WWOX: variants seen among roughly 807,000 people sequenced by gnomAD.
WWOX encodes WW domain containing oxidoreductase.
A neutral mutation model predicts 46.2 loss-of-function variants in WWOX; 69 were observed. The observed-to-expected ratio is 1.49, with a 90% confidence interval of 1.23 to 1.82. The LOEUF is 1.82. Ranked by LOEUF, WWOX falls within the 40% of genes most tolerant of loss-of-function variation. The pLI is 0.00. For missense variants in WWOX, 919 were observed against 542.6 expected, an observed-to-expected ratio of 1.69 and a Z score of -6.89; for synonymous variants, 359 against 202.6, an observed-to-expected ratio of 1.77 and a Z score of -6.56.
chr16:78,813,552 T>G (rs763089797), intron 8 of WWOX, among the ~76,000 whole-genome samples: 23 of 152,276 alleles, frequency 1.5e-4, no homozygotes, highest in Non-Finnish European at 2.6e-4. Flanking sequence ...CTTTGATGTA[T>G]GTATATGTGG....
At chr16:78,625,280 C>A (rs982550911) in intron 8 of WWOX, among the ~76,000 whole-genome samples, 2 of 152,166 alleles carry the variant, frequency 1.3e-5, no homozygotes, top group Non-Finnish European at 2.9e-5. Context: ...TCTGTGGTTC[C>A]CCTGACTGAG....
intron 8 of WWOX, among the ~76,000 whole-genome samples, chr16:79,169,381 G>A (rs979285409): frequency 5.3e-5 from 8 of 152,184 alleles, no homozygotes; most frequent in East Asian, 3.9e-4. Flanking sequence ...TGCCTGTCAC[G>A]TCTTCATCTG....
At chr16:78,561,600 G>GA (rs986656109) in intron 8 of WWOX, among the ~76,000 whole-genome samples, 46 of 142,398 alleles carry the variant, frequency 3.2e-4, no homozygotes, top group South Asian at 6.7e-4. Flanking sequence ...TTGAATAACA[G>GA]AAAAAAAAAA....
intron 3 of WWOX, among the ~76,000 whole-genome samples, chr16:78,114,208 C>G (rs1031114198): frequency 2.0e-5 from 3 of 151,382 alleles, no homozygotes; most frequent in Admixed American, 6.6e-5. Context: ...CGTGATCATC[C>G]TCCTACCTCA....
intron 8 of WWOX, among the ~76,000 whole-genome samples, chr16:79,105,588 A>G (rs1480951162): frequency 3.3e-5 from 5 of 152,182 alleles, no homozygotes; most frequent in Non-Finnish European, 5.9e-5. Context: ...AAAGTCACAG[A>G]AACAATTATA....
chr16:79,104,215 G>GA (rs990871648), intron 8 of WWOX, among the ~76,000 whole-genome samples: 6 of 151,600 alleles, frequency 4.0e-5, no homozygotes, highest in African/African-American at 1.2e-4. Context: ...TCCTAACATT[G>GA]AAAAAAAATG....
intron 8 of WWOX, among the ~76,000 whole-genome samples, chr16:78,602,271 C>T (rs538313819): frequency 3.9e-5 from 6 of 152,268 alleles, no homozygotes; most frequent in East Asian, 1.9e-4. Flanking sequence ...CTCGATCTGA[C>T]AGCCAGACTG....
intron 5 of WWOX, among the ~76,000 whole-genome samples, chr16:78,286,057 A>G (rs896681775): frequency 6.6e-6 from 1 of 152,218 alleles, no homozygotes; most frequent in Non-Finnish European, 1.5e-5. Context: ...ACGTGTGTTC[A>G]TTCCCATCCA....
intron 5 of WWOX, among the ~76,000 whole-genome samples, chr16:78,313,282 T>C (rs768674557): frequency 2.6e-5 from 4 of 152,198 alleles, no homozygotes; most frequent in Non-Finnish European, 5.9e-5. Context: ...TAACTCACCC[T>C]GTATTATAGA....
intron 8 of WWOX, chr16:79,203,237 A>T (rs2051400256): frequency 6.6e-6 from 1 of 152,076 alleles, no homozygotes; most frequent in African/African-American, 2.4e-5. Context: ...TAAATGAGAC[A>T]CTCTCCACAG....
chr16:79,105,968 G>A (rs1344324394), intron 8 of WWOX: 1 of 152,180 alleles, frequency 6.6e-6, no homozygotes, highest in Admixed American at 6.5e-5. Context: ...CCACTGCACT[G>A]GGCCAGGAAT....
Position 79,104,258 on chromosome 16 carries a change from G to T in WWOX, c.1057-107350G>T, listed in dbSNP as rs532308621. Among the ~76,000 whole-genome samples, 9 of 152,044 alleles carry T rather than the reference G, an allele frequency of 5.9e-5. No homozygotes were observed. In the East Asian group the frequency reaches 1.7e-3, roughly 29 times the overall value. On this transcript the variant is annotated intron_variant, in intron 8 of 8. Coordinates refer to ENST00000566780, the MANE Select transcript of WWOX (RefSeq NM_016373.4). ...ATAGGGTTGCCTGTGTCTTATTTTG[G>T]TCTGTAAGGACATTAATAATGTTTT...
intron 8 of WWOX, among the ~76,000 whole-genome samples, chr16:78,535,836 C>T (rs1433726521): frequency 6.6e-6 from 1 of 152,112 alleles, no homozygotes; most frequent in Non-Finnish European, 1.5e-5. Context: ...TCCAGTGCTG[C>T]TCAGAGGTAT....
intron 8 of WWOX, among the ~76,000 whole-genome samples, chr16:78,498,575 G>C (rs1416649921): frequency 2.0e-5 from 3 of 152,180 alleles, no homozygotes; most frequent in Non-Finnish European, 4.4e-5. Context: ...AAAGGGTAAT[G>C]AGCAACACAC....
At chr16:78,794,625 A>C (rs893633478) in intron 8 of WWOX, among the ~76,000 whole-genome samples, 1 of 152,268 alleles carries the variant, frequency 6.6e-6, no homozygotes, top group Non-Finnish European at 1.5e-5. Flanking sequence ...TGTGGTCAGC[A>C]CAATGGCTGA....
chr16:78,580,861 C>G lies in WWOX; in HGVS notation c.1056+148109C>G, dbSNP rs1045824856. ...TATGCCTCTTTCACCTCAGACATGC[C>G]TTCTAATTTTCTTTGGTAGTGTCTG... On this transcript the variant is annotated intron_variant, in intron 8 of 8. Coordinates refer to ENST00000566780, the MANE Select transcript of WWOX (RefSeq NM_016373.4). Among the ~76,000 whole-genome samples, 6 of 152,258 alleles carry G rather than the reference C, an allele frequency of 3.9e-5. No individual in the cohort carries two copies. The South Asian group carries it at 1.2e-3, about 32-fold the overall frequency.
intron 8 of WWOX, among the ~76,000 whole-genome samples, chr16:78,739,435 C>G (rs28449306): frequency 6.6e-6 from 1 of 152,008 alleles, no homozygotes; most frequent in African/African-American, 2.4e-5. Flanking sequence ...TACACATCTT[C>G]GGTTCCTCCA....
At chr16:78,871,501 C>T (rs765461807) in intron 8 of WWOX, among the ~76,000 whole-genome samples, 2 of 152,170 alleles carry the variant, frequency 1.3e-5, no homozygotes, top group Non-Finnish European at 2.9e-5. Flanking sequence ...TCCTGTGAGA[C>T]ACAGGTGACA....
At chr16:78,255,631 C>T (rs918910550) in intron 5 of WWOX, among the ~76,000 whole-genome samples, 19 of 152,278 alleles carry the variant, frequency 1.2e-4, no homozygotes, top group African/African-American at 4.6e-4. Context: ...TTCACACACA[C>T]ACCCCACTTA....
Sources: allele counts gnomAD v4.1 joint callset (sites outside exome capture counted in the v4.1 genomes callset), GRCh38; gene constraint gnomAD v4.1.1; transcripts MANE v1.5; gene names NCBI Gene and HGNC (gene_info 2026-07-23, HGNC 2026-07-21).